The following CNTN4 variants were observed in gnomAD, a reference collection of about 807,000 sequenced individuals.
The protein encoded by CNTN4 is contactin 4.
In CNTN4, 77 loss-of-function variants were observed where a neutral mutation model predicts 122.5. The observed-to-expected ratio is 0.63, with a 90% CI of 0.52 to 0.76. The LOEUF (loss-of-function observed/expected upper bound fraction) is 0.76, where lower values mean the gene tolerates loss of function less well. Ranked by LOEUF, CNTN4 falls within the 30% of genes least tolerant of loss-of-function variation. CNTN4 has a pLI of 0.00. For synonymous variants in CNTN4, 512 were observed against 447.0 expected (o/e 1.15, Z -1.83); for missense variants, 1,256 against 1,259.1 (o/e 1.00, Z 0.04).
At chr3:2,719,892 C>G (rs17019293) in intron 4 of CNTN4, among the ~76,000 whole-genome samples, 14,631 of 152,090 alleles carry the variant, frequency 0.096, 1,061 homozygotes, top group East Asian at 0.39. Flanking sequence ...GTGTTCAGCC[C>G]TAGTTCTGCT....
chr3:2,294,848 C>G (rs894732282), intron 2 of CNTN4, among the ~76,000 whole-genome samples: 6 of 151,896 alleles, frequency 4.0e-5, no homozygotes, highest in African/African-American at 1.5e-4. Flanking sequence ...CCACAACAGT[C>G]CCCGGTGTGT....
At chr3:2,559,164 T>C (rs1023941459) in intron 3 of CNTN4, among the ~76,000 whole-genome samples, 2 of 152,196 alleles carry the variant, frequency 1.3e-5, no homozygotes, top group South Asian at 4.1e-4. Flanking sequence ...TTTCTGCTGT[T>C]CATATAAGAG....
chr3:2,983,865 T>G (rs1694301137), intron 13 of CNTN4, among the ~76,000 whole-genome samples: 1 of 152,220 alleles, frequency 6.6e-6, no homozygotes, highest in Non-Finnish European at 1.5e-5. Flanking sequence ...ATAGTAAGAA[T>G]AAGCGGTCAC....
intron 3 of CNTN4, among the ~76,000 whole-genome samples, chr3:2,437,293 G>C (rs1291595368): frequency 6.6e-6 from 1 of 152,010 alleles, no homozygotes; most frequent in Non-Finnish European, 1.5e-5. Flanking sequence ...TAGAAGAAAA[G>C]TTTTTATAAA....
intron 2 of CNTN4, among the ~76,000 whole-genome samples, chr3:2,156,700 G>A (rs568399442): frequency 1.3e-5 from 2 of 152,296 alleles, no homozygotes; most frequent in African/African-American, 4.8e-5. Flanking sequence ...ATTTATCACA[G>A]ACAGCGTTAA....
intron 18 of CNTN4, among the ~76,000 whole-genome samples, chr3:3,038,232 A>C (rs1179301419): frequency 1.3e-5 from 2 of 152,120 alleles, no homozygotes; most frequent in Non-Finnish European, 2.9e-5. Flanking sequence ...TTCCCCTTCC[A>C]AAACCATAAT....
chr3:2,932,706 G>A (rs923133779), intron 13 of CNTN4, among the ~76,000 whole-genome samples: 2 of 152,062 alleles, frequency 1.3e-5, no homozygotes, highest in African/African-American at 4.8e-5. Flanking sequence ...CTTCCAAAAG[G>A]GGGTTTGAGG....
intron 13 of CNTN4, among the ~76,000 whole-genome samples, chr3:2,947,565 A>C (rs1056600114): frequency 6.6e-6 from 1 of 151,798 alleles, no homozygotes; most frequent in Non-Finnish European, 1.5e-5. Flanking sequence ...AATAGTGGAA[A>C]CTCTGTGTTT....
intron 6 of CNTN4, among the ~76,000 whole-genome samples, chr3:2,808,001 C>A (rs1277680025): frequency 6.6e-6 from 1 of 152,162 alleles, no homozygotes; most frequent in Non-Finnish European, 1.5e-5. Context: ...GCGCCTCTTT[C>A]CTGAGACATC....
chr3:2,490,480 A>G (rs1050194815), intron 3 of CNTN4, among the ~76,000 whole-genome samples: 1 of 152,116 alleles, frequency 6.6e-6, no homozygotes, highest in Non-Finnish European at 1.5e-5. Flanking sequence ...TTTTCCTCAT[A>G]AGCCATATTT....
intron 4 of CNTN4, among the ~76,000 whole-genome samples, chr3:2,618,641 T>G (rs573522931): frequency 9.2e-5 from 14 of 152,268 alleles, no homozygotes; most frequent in African/African-American, 3.1e-4. Flanking sequence ...GCGGGGATAA[T>G]TAACACAGAA....
At chr3:2,800,073 C>T (rs951649002) in intron 6 of CNTN4, among the ~76,000 whole-genome samples, 16 of 110,410 alleles carry the variant, frequency 1.4e-4, no homozygotes, top group African/African-American at 4.3e-4. Flanking sequence ...AATGTGATGC[C>T]ATCTACTTTT....
intron 6 of CNTN4, among the ~76,000 whole-genome samples, chr3:2,747,125 T>A (rs2089812668): frequency 1.3e-5 from 2 of 150,418 alleles, no homozygotes; most frequent in African/African-American, 4.9e-5. Context: ...AAATATTGTA[T>A]CTGGGCCAGC....
intron 6 of CNTN4, among the ~76,000 whole-genome samples, chr3:2,817,510 T>A (rs1344837948): frequency 1.3e-5 from 2 of 152,216 alleles, no homozygotes; most frequent in Non-Finnish European, 1.5e-5. Flanking sequence ...GCCTAAAACT[T>A]GTAGAAGTGA....
chr3:3,021,905 C>G (rs982370482), intron 14 of CNTN4, among the ~76,000 whole-genome samples: 1 of 152,002 alleles, frequency 6.6e-6, no homozygotes, highest in Non-Finnish European at 1.5e-5. Flanking sequence ...TATAGCAAGA[C>G]CCTGTGTCTA....
At chr3:2,619,782 C>T (rs2081923887) in intron 4 of CNTN4, among the ~76,000 whole-genome samples, 1 of 152,156 alleles carries the variant, frequency 6.6e-6, no homozygotes, top group African/African-American at 2.4e-5. Context: ...CTGCTAATAA[C>T]GCAACATAGA....
At chr3:2,824,903 T>G (rs72995360) in intron 7 of CNTN4, among the ~76,000 whole-genome samples, 40,784 of 151,856 alleles carry the variant, frequency 0.27, 6,082 homozygotes, top group East Asian at 0.51. Flanking sequence ...CCTCAAGTGA[T>G]CTGCCTACCT....
intron 2 of CNTN4, among the ~76,000 whole-genome samples, chr3:2,107,507 G>A (rs1007900953): frequency 3.3e-5 from 5 of 152,034 alleles, no homozygotes; most frequent in East Asian, 1.9e-4. Flanking sequence ...TCACTATCAC[G>A]AAAACAGCAT....
chr3:2,615,165 T>G (rs1169975804), intron 4 of CNTN4, among the ~76,000 whole-genome samples: 2 of 152,150 alleles, frequency 1.3e-5, no homozygotes, highest in African/African-American at 4.8e-5. Context: ...GCTTCATAAA[T>G]CAAACAAGGA....
Sources: gnomAD v4.1 joint callset for allele counts (sites outside exome capture counted in the v4.1 genomes callset) on GRCh38, gnomAD v4.1.1 for gene constraint, MANE v1.5 for transcripts, NCBI Gene and HGNC (gene_info 2026-07-23, HGNC 2026-07-21) for gene names.